VIPAS39: variants seen among roughly 807,000 people sequenced by gnomAD.
VIPAS39 encodes the protein spermatogenesis-defective protein 39 homolog.
A neutral mutation model predicts 84.7 loss-of-function variants in VIPAS39; 63 were observed. The observed-to-expected ratio is 0.74, with a 90% CI of 0.61 to 0.92. The LOEUF (loss-of-function observed/expected upper bound fraction) is 0.92. Ranked by LOEUF, VIPAS39 falls within the 40% of genes least tolerant of loss-of-function variation. The pLI, the probability that VIPAS39 is intolerant of heterozygous loss-of-function variation, is 0.00. For missense variants in VIPAS39, 499 were observed against 604.5 expected (o/e 0.83, Z 1.83); for synonymous variants, 192 against 216.5 (o/e 0.89, Z 0.99).
At position 77,427,495 on chromosome 14, in the gene VIPAS39, A is replaced by C. The variant is rs2078448158; in HGVS notation, c.*121T>G. On this transcript the variant is annotated 3_prime_UTR_variant, in exon 20 of 20. Transcript: ENST00000557658. ...GTTATCTGTGTCAAGAGTAGCTGGC[A>C]CTGCCCATGGGTAATGGGCCCAAGC... The C allele has an allele frequency of 5.8e-6, 7 of 1,207,118 alleles. No individual in the cohort carries two copies. The South Asian group carries it at 8.6e-5, about 15-fold the overall frequency. The allele number at this position is 1,207,118 out of a possible 1,614,324, so 74.8% of individuals were successfully genotyped here. A position where few individuals can be genotyped will look rare whatever the true frequency, so the allele number is the denominator to read the frequency against.
At chr14:77,431,593 A>G (rs746149353) in intron 16 of VIPAS39, among the ~76,000 whole-genome samples, 53 of 152,098 alleles carry the variant, frequency 3.5e-4, no homozygotes, top group Non-Finnish European at 1.0e-4. Context: ...GGTGTAGCCA[A>G]TGTGGAAAAC....
chr14:77,451,650 T>A (rs2078883580), intron 3 of VIPAS39, among the ~76,000 whole-genome samples: 1 of 152,104 alleles, frequency 6.6e-6, no homozygotes, highest in Admixed American at 6.5e-5. Context: ...CAGTGGCTAT[T>A]CACAATCATA....
Position 77,427,552 on chromosome 14 carries a change from C to T in VIPAS39, c.*64G>A. ...ATGCCGCAGCTCTCCCAAAGAAGAG[C>T]TCTCTCTGCTTTCACAGGCAGGAGA... is the stretch of plus-strand genomic sequence containing the variant. On this transcript the variant is annotated 3_prime_UTR_variant, in exon 20 of 20. Coordinates refer to ENST00000557658, the MANE Select transcript of VIPAS39 (RefSeq NM_001193315.2). 1 of 1,606,016 alleles carries T rather than the reference C, an allele frequency of 6.2e-7. No homozygotes were observed. Among genetic ancestry groups the T allele is most frequent in the Non-Finnish European group, 8.5e-7 (1 of 1,172,698 alleles).
chr14:77,428,574 C>T (rs1450998395), intron 18 of VIPAS39, 100 bp from the exon 19 acceptor site: 3 of 923,836 alleles, frequency 3.2e-6, no homozygotes, highest in African/African-American at 3.3e-5. Context: ...GCAATCCTCT[C>T]TCCTTAGGCT....
At position 77,429,084 on chromosome 14, in the gene VIPAS39, C is replaced by G. The variant is rs750116690; in HGVS notation, c.1278G>C (p.Glu426Asp). The G allele has an allele frequency of 6.2e-7, 1 of 1,613,830 alleles. No homozygotes were observed. The highest frequency in any genetic ancestry group is 1.1e-5 in the South Asian group (1 of 91,080). Residue 426 changes from glutamate to aspartate, a missense_variant, in exon 18 of 20, where the codon GAG becomes GAC. Glu to Asp is a conservative substitution (Grantham distance 45, BLOSUM62 2). Coordinates refer to ENST00000557658, the MANE Select transcript of VIPAS39 (RefSeq NM_001193315.2). Reference sequence around the variant, plus strand: ...CCACATCTTCCACCAGATTGACATACTCCTGTAATATCTGTGGGAAGAGGT... The same window carrying G: ...CCACATCTTCCACCAGATTGACATAGTCCTGTAATATCTGTGGGAAGAGGT... ...KNNAPVQILQ[E>D]YVNLVEDVDT... is the part of the protein sequence containing the mutation.
intron 1 of VIPAS39, 123 bp from the exon 2 acceptor site, chr14:77,454,225 A>G (rs1411144832): frequency 4.7e-6 from 4 of 858,784 alleles, no homozygotes; most frequent in Non-Finnish European, 7.7e-6. Flanking sequence ...AGAATCTGGT[A>G]AAACAAATAT....
At chr14:77,444,187 T>C in intron 8 of VIPAS39, 62 bp downstream of exon 8, 1 of 1,500,744 alleles carries the variant, frequency 6.7e-7, no homozygotes. Flanking sequence ...TCTATTTGAT[T>C]GGATTTTCAG....
In VIPAS39 at chr14:77,433,216, T is replaced by C. The variant is rs544744065; in HGVS notation, c.1179+626A>G. Among the ~76,000 whole-genome samples the C allele has an allele frequency of 2.8e-4, 42 of 152,288 alleles. No homozygotes were observed. The East Asian group carries it at 2.9e-3, about 11-fold the overall frequency. On this transcript the variant is annotated intron_variant, in intron 16 of 19. Transcript: ENST00000557658. ...ATAATTATATTGTGCTTCTTTTTTT[T>C]TGAGACAGGGTTTTGCTCTTGTTGC...
intron 16 of VIPAS39, among the ~76,000 whole-genome samples, chr14:77,430,909 A>G (rs2078512692): frequency 6.6e-6 from 1 of 152,196 alleles, no homozygotes; most frequent in African/African-American, 2.4e-5. Context: ...CTAATTTTCA[A>G]CAAAAGCACC....
intron 4 of VIPAS39, 148 bp from the exon 5 acceptor site, chr14:77,449,900 G>T: frequency 1.0e-6 from 1 of 971,972 alleles, no homozygotes; most frequent in Non-Finnish European, 1.6e-6. Context: ...GTAGAAATCT[G>T]AAGTGCCATT....
In VIPAS39 at chr14:77,435,300, T is replaced by G; in HGVS notation, c.1006A>C (p.Thr336Pro). The change falls in exon 14 of 20, where the codon ACA (threonine) becomes CCA (proline). Residue 336 changes from threonine (T) to proline (P), a missense_variant. Coordinates refer to ENST00000557658, the MANE Select transcript of VIPAS39 (RefSeq NM_001193315.2). ...TGATAGAAGCAGGAGTAGAAAAGTG[T>G]TGTCACTAGTGGCATGTTGAGGATG... ...ASILNMPLVT[T>P]LFYSCFYHYT... The G allele has an allele frequency of 6.2e-7, 1 of 1,614,062 alleles. No homozygotes were observed. Among genetic ancestry groups the G allele is most frequent in the Non-Finnish European group, 8.5e-7 (1 of 1,180,002 alleles).
rs552959243 is a variant in VIPAS39 at position 77,427,429 on chromosome 14, G to C, written c.*187C>G. The C allele has an allele frequency of 4.3e-4, 284 of 654,922 alleles. No homozygotes were observed. The highest frequency in any genetic ancestry group is 6.5e-4 in the South Asian group (35 of 53,598). The allele number at this position is 654,922 out of a possible 1,614,324, so 40.6% of individuals were successfully genotyped here. ...CTCATGACTCAAAGCTTTAGATCTC[G>C]ATCCTCAGATGATGTTCCTTGGACA... On this transcript the variant is annotated 3_prime_UTR_variant, in exon 20 of 20. Coordinates refer to ENST00000557658, the MANE Select transcript of VIPAS39 (RefSeq NM_001193315.2).
chr14:77,453,451 C>A (rs774686997), intron 2 of VIPAS39, 50 bp from the exon 3 acceptor site: 1 of 1,554,082 alleles, frequency 6.4e-7, no homozygotes, highest in Non-Finnish European at 8.9e-7. Context: ...TCATTTCCCA[C>A]CTCTCTTCTG....
At chr14:77,443,866 C>T (rs111494932) in intron 8 of VIPAS39, among the ~76,000 whole-genome samples, 1 of 93,792 alleles carries the variant, frequency 1.1e-5, no homozygotes, top group African/African-American at 3.8e-5. Flanking sequence ...GAGTGAGACT[C>T]CATCTCAAAA....
chr14:77,453,278 C>T (rs1306609496), intron 3 of VIPAS39, 21 bp downstream of exon 3: 5 of 1,609,342 alleles, frequency 3.1e-6, no homozygotes, highest in African/African-American at 1.3e-5. Context: ...TCTATCCCTG[C>T]CTAGGGACTC....
intron 9 of VIPAS39, 91 bp from the exon 10 acceptor site, chr14:77,442,753 A>C: frequency 8.7e-7 from 1 of 1,148,750 alleles, no homozygotes. Context: ...TCCAAATATT[A>C]TCTCATCAAA....
At chr14:77,440,229 G>T in intron 11 of VIPAS39, 1 of 145,700 alleles carries the variant, frequency 6.9e-6, no homozygotes, top group African/African-American at 2.6e-5. Context: ...TTTTTAACAT[G>T]AATTGCTGAA....
At position 77,428,473 on chromosome 14, in the gene VIPAS39, G is replaced by A. The variant is rs2078466487; in HGVS notation, c.1358C>T (p.Thr453Ile). The A allele has an allele frequency of 1.9e-6, 3 of 1,613,574 alleles. No homozygotes were observed. The South Asian group carries it at 3.3e-5, about 18-fold the overall frequency. ...KFKCHDVVID[T>I]YRDLKDRQQL... ...TTGACGATCCTTCAGGTCCCGGTAG[G>A]TCTGTGCATCAAAACAAACAATACA... The change falls in exon 19 of 20, where the codon ACC (threonine) becomes ATC (isoleucine). Residue 453 changes from threonine to isoleucine, a missense_variant and splice_region_variant. Transcript: ENST00000557658.
At chr14:77,445,315 T>G (rs1000962018) in intron 7 of VIPAS39, among the ~76,000 whole-genome samples, 1 of 152,254 alleles carries the variant, frequency 6.6e-6, no homozygotes, top group East Asian at 1.9e-4. Context: ...AAGTATCTTT[T>G]AAAGTGATTA....
Sources: gnomAD v4.1 joint callset for allele counts (sites outside exome capture counted in the v4.1 genomes callset) on GRCh38, gnomAD v4.1.1 for gene constraint, MANE v1.5 for transcripts, NCBI Gene and HGNC (gene_info 2026-07-23, HGNC 2026-07-21) for gene names.